Variants in ENPP1 observed in about 807,000 individuals in gnomAD.
ENPP1 encodes the protein ectonucleotide pyrophosphatase/phosphodiesterase family member 1.
ENPP1 carries 73 observed loss-of-function variants against 122.8 expected under a neutral mutation model. The ratio of observed to expected loss-of-function variants is 0.59; its 90% confidence interval spans 0.49 to 0.72. The LOEUF (loss-of-function observed/expected upper bound fraction) is 0.72, where lower values mean the gene tolerates loss of function less well. Ranked by LOEUF, ENPP1 falls within the 30% of genes least tolerant of loss-of-function variation. ENPP1 has a pLI of 0.00. For missense variants in ENPP1, 978 were observed against 1,128.1 expected (o/e 0.87, Z 1.91); for synonymous variants, 367 against 391.6 (o/e 0.94, Z 0.74).
intron 2 of ENPP1, among the ~76,000 whole-genome samples, chr6:131,849,785 A>G (rs1006912714): frequency 2.6e-5 from 4 of 152,226 alleles, no homozygotes; most frequent in Non-Finnish European, 4.4e-5. Context: ...TAAAAATCAC[A>G]AACCAGGCAC....
chr6:131,826,615 A>G (rs1039846922), intron 1 of ENPP1: 2 of 974,988 alleles, frequency 2.1e-6, no homozygotes, highest in South Asian at 2.6e-5. Context: ...GTCACAGCTG[A>G]TCAGTTCTAG....
rs929516473 is a variant in ENPP1, at chr6:131,870,943, G to C, written c.1406-1127G>C. On this transcript the variant is annotated intron_variant, in intron 13 of 24. Transcript: ENST00000647893. ...ATACAAAAATTATCTGAGCGTGGTGGCATGTGCCTGCAATCTCAGCTACTG... is the reference window on the plus strand; with the variant it reads ...ATACAAAAATTATCTGAGCGTGGTGCCATGTGCCTGCAATCTCAGCTACTG... Among the ~76,000 whole-genome samples the C allele has an allele frequency of 6.6e-5, 10 of 152,228 alleles. No individual in the cohort carries two copies. The East Asian group carries it at 1.9e-3, about 29-fold the overall frequency.
At chr6:131,866,165 G>A (rs1247249476) in intron 11 of ENPP1, among the ~76,000 whole-genome samples, 1 of 152,114 alleles carries the variant, frequency 6.6e-6, no homozygotes, top group Non-Finnish European at 1.5e-5. Flanking sequence ...GGTATTGCCA[G>A]GATCCCTCCT....
intron 1 of ENPP1, among the ~76,000 whole-genome samples, chr6:131,819,572 A>G (rs532984580): frequency 6.6e-6 from 1 of 152,238 alleles, no homozygotes; most frequent in Non-Finnish European, 1.5e-5. Flanking sequence ...AATAAACTAT[A>G]CAAAAAAGAT....
chr6:131,826,852 AGAAAAGTTTCTCACATAGGG>A (rs1781552355), intron 1 of ENPP1: 1 of 375,788 alleles, frequency 2.7e-6, no homozygotes, highest in African/African-American at 2.1e-5. Context: ...TGTGTGGGGC[AGAAAAGTTTCTCACATAGGG>A]GAAAGATAAG....
intron 1 of ENPP1, among the ~76,000 whole-genome samples, chr6:131,836,413 C>CAA (rs1175722006): frequency 8.4e-6 from 1 of 118,350 alleles, no homozygotes; most frequent in Non-Finnish European, 1.7e-5. Flanking sequence ...CACACCCAGC[C>CAA]GAGTGTGTGT....
Position 131,886,673 on chromosome 6 carries a change from C to T in ENPP1, c.2556C>T (p.Asp852=), listed in dbSNP as rs779662157. ...SQTPLHCENL[D]TLAFILPHRT... ...CGCCTTTGCACTGTGAAAACCTAGA[C>T]ACCTTAGCTTTCATTTTGCCTCACA... The change falls in exon 24 of 25, where the codon GAC becomes GAT. Residue 852 remains aspartate (D), a synonymous_variant. Coordinates refer to ENST00000647893, the MANE Select transcript of ENPP1 (RefSeq NM_006208.3). 8.7e-6 allele frequency: 14 copies of T among 1,613,916 alleles called. No homozygotes were observed. Among genetic ancestry groups the T allele is most frequent in the South Asian group, 2.2e-5 (2 of 91,088 alleles).
At chr6:131,882,874 G>A (rs1170866661) in intron 21 of ENPP1, among the ~76,000 whole-genome samples, 1 of 151,710 alleles carries the variant, frequency 6.6e-6, no homozygotes, top group African/African-American at 2.4e-5. Context: ...ATATTGTGAA[G>A]GTGGAATATA....
At chr6:131,827,810 T>C in intron 1 of ENPP1, 1 of 1,072,424 alleles carries the variant, frequency 9.3e-7, no homozygotes, top group South Asian at 1.2e-5. Flanking sequence ...AATGACTGCT[T>C]TCTGGAATCT....
chr6:131,867,893 ATCTG>A (rs1028286449), intron 11 of ENPP1, 121 bp from the exon 12 acceptor site: 13 of 715,048 alleles, frequency 1.8e-5, no homozygotes, highest in Admixed American at 1.6e-4. Context: ...TTATCTATCT[ATCTG>A]TCTGTCTTTC....
chr6:131,827,204 T>C, intron 1 of ENPP1: 1 of 817,824 alleles, frequency 1.2e-6, no homozygotes, highest in Non-Finnish European at 2.2e-6. Context: ...GTTTCTCAAC[T>C]GTCCATTCAT....
At chr6:131,843,673 T>TC (rs36125885) in intron 1 of ENPP1, among the ~76,000 whole-genome samples, 17 of 151,182 alleles carry the variant, frequency 1.1e-4, no homozygotes, top group Middle Eastern at 6.8e-3. Context: ...TTTTTTTTTT[T>TC]CCCCCATTTT....
intron 6 of ENPP1, among the ~76,000 whole-genome samples, chr6:131,856,192 A>G (rs1194365321): frequency 2.0e-5 from 3 of 152,202 alleles, no homozygotes; most frequent in African/African-American, 4.8e-5. Context: ...TGTTCTTCCC[A>G]GCAGGCCTGT....
At chr6:131,848,917 A>G (rs1781846439) in intron 2 of ENPP1, among the ~76,000 whole-genome samples, 1 of 152,208 alleles carries the variant, frequency 6.6e-6, no homozygotes, top group African/African-American at 2.4e-5. Context: ...CTGATTTCCC[A>G]GTGTCAAATG....
Position 131,874,350 on chromosome 6 carries a change from A to T in ENPP1, c.1635+13A>T. 1.4e-6 allele frequency: 2 copies of T among 1,413,292 alleles called. No individual in the cohort carries two copies. The highest frequency in any genetic ancestry group is 2.0e-6 in the Non-Finnish European group (2 of 1,000,588). The allele number at this position is 1,413,292 out of a possible 1,614,324, so 87.5% of individuals were successfully genotyped here. On this transcript the variant is annotated intron_variant, in intron 16 of 24. Coordinates refer to ENST00000647893, the MANE Select transcript of ENPP1 (RefSeq NM_006208.3). Reference sequence around the variant, plus strand: ...TTCAAATATGCAAGTGAGTAAACCTATTATACTTAATTGGATTAAATCTAA... The same window carrying T: ...TTCAAATATGCAAGTGAGTAAACCTTTTATACTTAATTGGATTAAATCTAA...
chr6:131,837,351 C>T (rs1228086471), intron 1 of ENPP1, among the ~76,000 whole-genome samples: 4 of 151,822 alleles, frequency 2.6e-5, no homozygotes, highest in Admixed American at 2.0e-4. Flanking sequence ...CATGGTGAAA[C>T]CCCGTCTCTA....
chr6:131,883,733 T>C lies in ENPP1; in HGVS notation c.2270T>C (p.Leu757Ser). The C allele has an allele frequency of 6.5e-7, 1 of 1,528,410 alleles. No individual in the cohort carries two copies. The highest frequency in any genetic ancestry group is 1.1e-5 in the South Asian group (1 of 89,022). 94.7% of individuals were successfully genotyped at this position (1,528,410 alleles called of 1,614,324 possible). The stretch of plus-strand genomic sequence containing the variant: ...TCAAGTGGAATATATTCTGAAGCTT[T>C]GCTTACTACAAATATAGTGCCAATG... ...KNSSGIYSEA[L>S]LTTNIVPMYQ... The change falls in exon 22 of 25, where the codon TTG (leucine) becomes TCG (serine). Residue 757 changes from leucine (L) to serine (S), a missense_variant. By Grantham distance (145) the Leu-to-Ser change is moderately radical (BLOSUM62 -2). Around this residue, in one of 3 missense-constraint regions of ENPP1, gnomAD observed 644 missense variants for 781.5 expected, o/e 0.82. Coordinates refer to ENST00000647893, the MANE Select transcript of ENPP1 (RefSeq NM_006208.3).
intron 1 of ENPP1, chr6:131,826,582 A>G: frequency 2.6e-6 from 3 of 1,153,762 alleles, no homozygotes; most frequent in South Asian, 1.2e-5. Flanking sequence ...CAGGCTGAAA[A>G]TGGAGTATGG....
At chr6:131,847,891 G>GTA (rs753556886) in intron 2 of ENPP1, 43 bp downstream of exon 2, 1 of 1,251,668 alleles carries the variant, frequency 8.0e-7, no homozygotes, top group Non-Finnish European at 1.1e-6. Flanking sequence ...GTGTGTGTGT[G>GTA]TGTATGTGTG....
Sources: allele counts gnomAD v4.1 joint callset (sites outside exome capture counted in the v4.1 genomes callset), GRCh38; gene constraint gnomAD v4.1.1; regional missense constraint gnomAD v4.1.1; transcripts MANE v1.5; gene names NCBI Gene and HGNC (gene_info 2026-07-23, HGNC 2026-07-21).